LRRC4C: variants seen among roughly 807,000 people sequenced by gnomAD.
LRRC4C encodes leucine-rich repeat-containing protein 4C.
Under a neutral mutation model 33.6 loss-of-function variants are expected in LRRC4C, and 5 were observed. The ratio of observed to expected loss-of-function variants is 0.15; its 90% confidence interval spans 0.08 to 0.31. LRRC4C has a LOEUF of 0.31. LRRC4C is among the 10% of genes least tolerant of loss of function. LRRC4C has a pLI of 1.00. For synonymous variants in LRRC4C, 329 were observed against 302.0 expected (o/e 1.09, Z -0.93); for missense variants, 560 against 796.7 (o/e 0.70, Z 3.58).
At chr11:40,570,255 A>T (rs1238392268) in intron 3 of LRRC4C, among the ~76,000 whole-genome samples, 2 of 152,090 alleles carry the variant, frequency 1.3e-5, no homozygotes, top group Non-Finnish European at 2.9e-5. Flanking sequence ...TTTTACACAC[A>T]CCACTTTTAT....
intron 2 of LRRC4C, among the ~76,000 whole-genome samples, chr11:40,875,756 C>A (rs946712409): frequency 6.6e-6 from 1 of 151,984 alleles, no homozygotes; most frequent in Non-Finnish European, 1.5e-5. Context: ...TCCATGAACT[C>A]GGGCAGGTGG....
chr11:40,298,383 G>T (rs1188522842), intron 4 of LRRC4C, among the ~76,000 whole-genome samples: 1 of 150,926 alleles, frequency 6.6e-6, no homozygotes, highest in Non-Finnish European at 1.5e-5. Flanking sequence ...TGAGTTAACT[G>T]CTTGCTGATC....
intron 1 of LRRC4C, among the ~76,000 whole-genome samples, chr11:41,244,275 A>C (rs2136578396): frequency 6.6e-6 from 1 of 152,284 alleles, no homozygotes; most frequent in Admixed American, 6.5e-5. Flanking sequence ...AAATGCTTTT[A>C]AAATGCCAAG....
chr11:40,640,372 A>T lies in LRRC4C; in HGVS notation c.-270+7770T>A, dbSNP rs1357326200. ...ACGGAAGAAATATTCTGAAATACAA[A>T]TTTTTAGATTTGTCTTTTCTCATGA... On this transcript the variant is annotated intron_variant, in intron 3 of 6. Transcript: ENST00000528697. Among the ~76,000 whole-genome samples the T allele has an allele frequency of 3.3e-5, 5 of 152,206 alleles. No homozygotes were observed. The South Asian group carries it at 1.0e-3, about 32-fold the overall frequency.
At chr11:40,418,181 G>A (rs1950395306) in intron 3 of LRRC4C, among the ~76,000 whole-genome samples, 1 of 151,886 alleles carries the variant, frequency 6.6e-6, no homozygotes, top group Non-Finnish European at 1.5e-5. Flanking sequence ...CTACAGAGTG[G>A]AAGAAAATTT....
chr11:40,629,485 G>A (rs1963267474), intron 3 of LRRC4C, among the ~76,000 whole-genome samples: 1 of 152,156 alleles, frequency 6.6e-6, no homozygotes, highest in South Asian at 2.1e-4. Context: ...CCAAACTAAA[G>A]CATGTTTCTA....
In LRRC4C at chr11:41,160,250, T is replaced by A. The variant is rs570386306; in HGVS notation, c.-495-226527A>T. Among the ~76,000 whole-genome samples, 6 of 152,116 alleles carry A rather than the reference T, an allele frequency of 3.9e-5. No individual in the cohort carries two copies. The East Asian group carries it at 1.2e-3, about 29-fold the overall frequency. ...CTGGACACAATGATGGGTGCCATTG[T>A]CCCAGCTACCAGGGAGACTGAGATA... On this transcript the variant is annotated intron_variant, in intron 1 of 6. Coordinates refer to ENST00000528697, the MANE Select transcript of LRRC4C (RefSeq NM_001258419.2).
At chr11:40,389,035 T>G (rs538386713) in intron 3 of LRRC4C, among the ~76,000 whole-genome samples, 2 of 152,298 alleles carry the variant, frequency 1.3e-5, no homozygotes, top group Admixed American at 1.3e-4. Flanking sequence ...AGCTGAAGAT[T>G]GTTGTCATTT....
intron 1 of LRRC4C, among the ~76,000 whole-genome samples, chr11:41,409,802 C>A (rs1954390918): frequency 6.6e-6 from 1 of 152,134 alleles, no homozygotes; most frequent in African/African-American, 2.4e-5. Context: ...GTAGATATGA[C>A]TGACCCGTTT....
chr11:41,169,326 A>G (rs966017), intron 1 of LRRC4C, among the ~76,000 whole-genome samples: 141,968 of 152,208 alleles, frequency 0.93, 66,597 homozygotes, highest in East Asian at 1. Flanking sequence ...TTTCTTCAAA[A>G]AATATTTCAT....
At chr11:40,574,695 T>A (rs1958114612) in intron 3 of LRRC4C, among the ~76,000 whole-genome samples, 1 of 152,230 alleles carries the variant, frequency 6.6e-6, no homozygotes, top group Admixed American at 6.5e-5. Flanking sequence ...GGGGTGGAGC[T>A]GGCTCCAATT....
intron 3 of LRRC4C, among the ~76,000 whole-genome samples, chr11:40,326,524 G>T (rs1434409123): frequency 6.7e-6 from 1 of 148,342 alleles, no homozygotes; most frequent in African/African-American, 2.5e-5. Context: ...TCATGCCACT[G>T]CACTCCAGGC....
chr11:41,155,658 T>C (rs752984698), intron 1 of LRRC4C, among the ~76,000 whole-genome samples: 1 of 152,096 alleles, frequency 6.6e-6, no homozygotes, highest in Non-Finnish European at 1.5e-5. Flanking sequence ...CTCTCTCCCC[T>C]TTCCCTACTC....
chr11:40,393,290 T>C (rs1243584814), intron 3 of LRRC4C, among the ~76,000 whole-genome samples: 3 of 152,184 alleles, frequency 2.0e-5, no homozygotes, highest in Non-Finnish European at 2.9e-5. Context: ...CTTGAACTAA[T>C]GCTTTCATTA....
chr11:41,075,977 T>C (rs1023164988), intron 1 of LRRC4C, among the ~76,000 whole-genome samples: 1 of 4,704 alleles, frequency 2.1e-4, no homozygotes, highest in Non-Finnish European at 0.013. Context: ...TATACATTCA[T>C]TGTCTATTTC....
chr11:40,516,859 C>T (rs982577125), intron 3 of LRRC4C, among the ~76,000 whole-genome samples: 2 of 152,096 alleles, frequency 1.3e-5, no homozygotes, highest in Admixed American at 1.3e-4. Context: ...TTGTTTCTAA[C>T]TCAGAGGGGG....
intron 3 of LRRC4C, among the ~76,000 whole-genome samples, chr11:40,596,094 G>A (rs981709926): frequency 5.3e-5 from 8 of 152,084 alleles, no homozygotes; most frequent in African/African-American, 1.7e-4. Flanking sequence ...ATAGGAAAAA[G>A]GCAAGTCTCA....
chr11:41,269,474 A>C (rs2136820627), intron 1 of LRRC4C, among the ~76,000 whole-genome samples: 1 of 152,158 alleles, frequency 6.6e-6, no homozygotes, highest in East Asian at 1.9e-4. Context: ...TAAAACTTGA[A>C]CTGGAAAGAG....
intron 3 of LRRC4C, among the ~76,000 whole-genome samples, chr11:40,521,802 G>A (rs1328038315): frequency 6.6e-6 from 1 of 152,028 alleles, no homozygotes; most frequent in African/African-American, 2.4e-5. Flanking sequence ...CTGGGAGCTG[G>A]AAATTGCAGG....
Sources: allele counts gnomAD v4.1 joint callset (sites outside exome capture counted in the v4.1 genomes callset), GRCh38; gene constraint gnomAD v4.1.1; transcripts MANE v1.5; gene names NCBI Gene and HGNC (gene_info 2026-07-23, HGNC 2026-07-21).